The following SLC44A1 variants were observed in gnomAD, a reference collection of about 807,000 sequenced individuals.
SLC44A1 encodes choline transporter-like protein 1.
SLC44A1 carries 26 observed loss-of-function variants against 79.3 expected under a neutral mutation model. The ratio of observed to expected loss-of-function variants is 0.33; its 90% CI spans 0.24 to 0.46. The LOEUF is 0.46. SLC44A1 is among the 20% of genes least tolerant of loss of function. The pLI is 1.00. For missense variants in SLC44A1, 688 were observed against 798.1 expected (o/e 0.86, Z 1.66); for synonymous variants, 263 against 286.2 (o/e 0.92, Z 0.82).
chr9:105,366,441 T>G lies in SLC44A1; in HGVS notation c.1494+12T>G, dbSNP rs1242694557. ...ATTATTTAAATCAGGTAAAATATTT[T>G]AAAAATAAATCTAATATTTACTTTC... is the stretch of plus-strand genomic sequence containing the variant. On this transcript the variant is annotated intron_variant, in intron 12 of 15. Transcript: ENST00000374720. 1 of 1,201,324 alleles carries G rather than the reference T, an allele frequency of 8.3e-7. No individual in the cohort carries two copies. The highest frequency in any genetic ancestry group is 1.2e-6 in the Non-Finnish European group (1 of 864,528). 74.4% of individuals were successfully genotyped at this position (1,201,324 alleles called of 1,614,324 possible).
rs781199771 is a variant in SLC44A1, at chr9:105,362,951, C to T, written c.1031C>T (p.Ala344Val). The change falls in exon 9 of 16, where the codon GCT (alanine) becomes GTT (valine). Residue 344 changes from alanine to valine, a missense_variant. Ala to Val is a moderately conservative substitution (Grantham distance 64). Transcript: ENST00000374720. ...TTCCAACCCTTCTGGACTTTCTTTG[C>T]TCTTGTCTTGTTTTGGGTGTACTGG... Reference protein sequence around the residue: ...LVFQPFWTFFALVLFWVYWIM... With the variant: ...LVFQPFWTFFVLVLFWVYWIM... 3.7e-6 allele frequency: 6 copies of T among 1,613,832 alleles called. No homozygotes were observed. Among genetic ancestry groups the T allele is most frequent in the Admixed American group, 1.7e-5 (1 of 59,972 alleles).
intron 4 of SLC44A1, among the ~76,000 whole-genome samples, chr9:105,339,711 C>T (rs899758171): frequency 6.6e-6 from 1 of 152,062 alleles, no homozygotes; most frequent in African/African-American, 2.4e-5. Context: ...CTTGTAGTCC[C>T]AGCTACTGAG....
chr9:105,366,415 A>T lies in SLC44A1; in HGVS notation c.1480A>T (p.Asn494Tyr). ...CCLWCLEKCL[N>Y]YLNQNAYTAT... ...CCTTTGGTGTCTTGAAAAGTGCCTA[A>T]ATTATTTAAATCAGGTAAAATATTT... Residue 494 changes from asparagine (N) to tyrosine (Y), a missense_variant, in exon 12 of 16, where the codon AAT becomes TAT. Transcript: ENST00000374720. The T allele has an allele frequency of 1.3e-6, 2 of 1,484,922 alleles. No homozygotes were observed. Among genetic ancestry groups the T allele is most frequent in the Non-Finnish European group, 1.8e-6 (2 of 1,094,276 alleles). 92.0% of individuals were successfully genotyped at this position (1,484,922 alleles called of 1,614,324 possible).
chr9:105,389,180 T>TAC lies in SLC44A1; in HGVS notation c.*136_*137dup, dbSNP rs373188354. 58 of 1,420,694 alleles carry TAC rather than the reference T, an allele frequency of 4.1e-5. No individual in the cohort carries two copies. Among genetic ancestry groups the TAC allele is most frequent in the African/African-American group, 2.5e-4 (18 of 70,668 alleles). The allele number at this position is 1,420,694 out of a possible 1,614,324, so 88.0% of individuals were successfully genotyped here. A position where few individuals can be genotyped will look rare whatever the true frequency, so the allele number is the denominator to read the frequency against. On this transcript the variant is annotated 3_prime_UTR_variant, in exon 16 of 16. Coordinates refer to ENST00000374720, the MANE Select transcript of SLC44A1 (RefSeq NM_080546.5). ...ATGTGTGTATATATGTATATGTATATACACACACACACATAAATCAGCCAA... is the reference window on the plus strand; with the variant it reads ...ATGTGTGTATATATGTATATGTATATACACACACACACACATAAATCAGCCAA...
chr9:105,279,838 T>G (rs1830309429), intron 1 of SLC44A1, among the ~76,000 whole-genome samples: 1 of 152,072 alleles, frequency 6.6e-6, no homozygotes, highest in Non-Finnish European at 1.5e-5. Flanking sequence ...GAAAATCAAC[T>G]AAAAATTACA....
At chr9:105,420,528 A>G (rs1829232415) in intron 15 of SLC44A1, among the ~76,000 whole-genome samples, 1 of 152,090 alleles carries the variant, frequency 6.6e-6, no homozygotes, top group South Asian at 2.1e-4. Context: ...ATGTGCCAGA[A>G]AGTTGAGCTG....
At chr9:105,273,077 C>T (rs1365506951) in intron 1 of SLC44A1, among the ~76,000 whole-genome samples, 4 of 151,882 alleles carry the variant, frequency 2.6e-5, no homozygotes, top group Non-Finnish European at 4.4e-5. Flanking sequence ...CTGCAACCTC[C>T]GCCTCCCAGG....
intron 12 of SLC44A1, among the ~76,000 whole-genome samples, chr9:105,367,450 ATTC>A (rs767816085): frequency 2.6e-5 from 4 of 152,226 alleles, no homozygotes; most frequent in Non-Finnish European, 5.9e-5. Flanking sequence ...TTGGAAGCTC[ATTC>A]TTAAAATAAT....
chr9:105,292,487 T>C (rs1350056682), intron 1 of SLC44A1, among the ~76,000 whole-genome samples: 2 of 152,242 alleles, frequency 1.3e-5, no homozygotes, highest in East Asian at 3.8e-4. Flanking sequence ...CTTAATGTCC[T>C]GTTTGCTACT....
chr9:105,245,145 C>A (rs939829334), intron 1 of SLC44A1, among the ~76,000 whole-genome samples: 1 of 152,106 alleles, frequency 6.6e-6, no homozygotes. Flanking sequence ...TCAGCTCTTC[C>A]CGGCCCCTTC....
Position 105,336,006 on chromosome 9 carries a change from G to A in SLC44A1, c.406+307G>A, listed in dbSNP as rs1826906468. On this transcript the variant is annotated intron_variant, in intron 4 of 15. Transcript: ENST00000374720. ...TTTGGAAATTACTAAACCACTCTAT[G>A]TAAAATTTATTTCTTGTTCCCCCTT... Among the ~76,000 whole-genome samples, 3 of 152,082 alleles carry A rather than the reference G, an allele frequency of 2.0e-5. No individual in the cohort carries two copies. The South Asian group carries it at 6.2e-4, about 31-fold the overall frequency.
chr9:105,350,108 A>G (rs1246886581), intron 5 of SLC44A1, among the ~76,000 whole-genome samples: 4 of 152,332 alleles, frequency 2.6e-5, no homozygotes, highest in Middle Eastern at 3.4e-3. Flanking sequence ...TCTAAAATGC[A>G]GTGCTGAACC....
At chr9:105,348,698 T>C (rs999689153) in intron 5 of SLC44A1, among the ~76,000 whole-genome samples, 16 of 152,122 alleles carry the variant, frequency 1.1e-4, no homozygotes, top group Admixed American at 9.8e-4. Context: ...GGGCTTGCTT[T>C]TTTTGTTTTT....
chr9:105,328,759 G>A (rs917021512), intron 3 of SLC44A1, among the ~76,000 whole-genome samples: 1 of 152,170 alleles, frequency 6.6e-6, no homozygotes. Flanking sequence ...TCTCTTTGGG[G>A]GTTGGTGAGA....
rs2131479165 is a variant in SLC44A1, at chr9:105,389,633, T to G, written c.*577T>G. 8.3e-7 allele frequency: 1 copy of G among 1,206,350 alleles called. No homozygotes were observed. The highest frequency in any genetic ancestry group is 1.6e-5 in the African/African-American group (1 of 63,912). The allele number at this position is 1,206,350 out of a possible 1,614,324, so 74.7% of individuals were successfully genotyped here. ...CATACAATTGGGCCCAATATGGGAATTTTCATAATAGTTCATACATTTGTC... is the reference window on the plus strand; with the variant it reads ...CATACAATTGGGCCCAATATGGGAAGTTTCATAATAGTTCATACATTTGTC... On this transcript the variant is annotated 3_prime_UTR_variant, in exon 16 of 16. Transcript: ENST00000374720.
intron 15 of SLC44A1, among the ~76,000 whole-genome samples, chr9:105,424,556 T>C (rs1357603804): frequency 1.3e-5 from 2 of 152,332 alleles, no homozygotes; most frequent in Non-Finnish European, 2.9e-5. Context: ...TAACTAACTT[T>C]CTCAGTCCCA....
intron 7 of SLC44A1, among the ~76,000 whole-genome samples, chr9:105,359,187 A>G (rs899206125): frequency 7.9e-5 from 12 of 152,172 alleles, no homozygotes; most frequent in African/African-American, 1.9e-4. Context: ...GACTAGTTTT[A>G]GTAGGAACTA....
intron 1 of SLC44A1, among the ~76,000 whole-genome samples, chr9:105,266,603 A>G (rs1009349501): frequency 6.6e-6 from 1 of 152,164 alleles, no homozygotes; most frequent in African/African-American, 2.4e-5. Context: ...ATCTTTCTCA[A>G]ATATCAACCA....
chr9:105,365,657 T>A lies in SLC44A1; in HGVS notation c.1410+18T>A. On this transcript the variant is annotated intron_variant, in intron 11 of 15. Transcript: ENST00000374720. ...AAGGAAAGGTAAGGGGAAAATGCAT[T>A]TCTGTACTTTCTGTGGGCACATTCC... is the stretch of plus-strand genomic sequence containing the variant. 6.2e-7 allele frequency: 1 copy of A among 1,606,392 alleles called. No individual in the cohort carries two copies. The highest frequency in any genetic ancestry group is 1.1e-5 in the South Asian group (1 of 90,626).
Sources: gnomAD v4.1 joint callset for allele counts (sites outside exome capture counted in the v4.1 genomes callset) on GRCh38, gnomAD v4.1.1 for gene constraint, MANE v1.5 for transcripts, NCBI Gene and HGNC (gene_info 2026-07-23, HGNC 2026-07-21) for gene names.